The following NEB variants were observed in gnomAD, a reference collection of about 807,000 sequenced individuals.
NEB encodes the protein nebulin, also known as nemaline myopathy type 2.
NEB carries 512 observed loss-of-function variants against 952.2 expected under a neutral mutation model. That is an observed-to-expected ratio of 0.54 (90% CI 0.50 to 0.58). The LOEUF is 0.58. NEB is among the 20% of genes least tolerant of loss of function. NEB has a pLI of 0.00. For synonymous variants in NEB, 2,900 were observed against 3,149.8 expected, an observed-to-expected ratio of 0.92 and a Z score of 2.66; for missense variants, 8,428 against 9,231.1, an observed-to-expected ratio of 0.91 and a Z score of 3.56.
At position 151,612,844 on chromosome 2, in the gene NEB, T is replaced by G. The variant is rs2098043979; in HGVS notation, c.11602-455A>C. On this transcript the variant is annotated intron_variant, in intron 77 of 181. Transcript: ENST00000397345. ...ATCACGTTGCATTAATGTGTTTTTT[T>G]GGGGATAAAAACGACGTCTTTTTCG... is the stretch of plus-strand genomic sequence containing the variant. Among the ~76,000 whole-genome samples, 2 of 152,320 alleles carry G rather than the reference T, an allele frequency of 1.3e-5. 1 individual carries two copies. Among genetic ancestry groups the G allele is most frequent in the East Asian group, 3.9e-4 (2 of 5,182 alleles).
intron 54 of NEB, among the ~76,000 whole-genome samples, chr2:151,646,537 TG>T (rs2098960859): frequency 6.6e-6 from 1 of 152,256 alleles, no homozygotes; most frequent in Non-Finnish European, 1.5e-5. Flanking sequence ...CTCCATCTTC[TG>T]GGTTGTGTCC....
rs746929871 is a variant in NEB at position 151,502,872 on chromosome 2, T to A, written c.23849A>T (p.Glu7950Val). 1.3e-6 allele frequency: 2 copies of A among 1,599,232 alleles called. No individual in the cohort carries two copies. Among genetic ancestry groups the A allele is most frequent in the Admixed American group, 1.7e-5 (1 of 59,006 alleles). ...TGTTGGGATTCCTTTCCCCAAATTTTCTTTGTACAAAACCTGTGAGATACA... is the reference window on the plus strand; with the variant it reads ...TGTTGGGATTCCTTTCCCCAAATTTACTTTGTACAAAACCTGTGAGATACA... ...QENFSSVLYK[E>V]NLGKGIPTPI... Residue 7950 changes from glutamate to valine, a missense_variant, in exon 167 of 182, where the codon GAA becomes GTA. Transcript: ENST00000397345.
At chr2:151,676,414 T>C (rs1445204538) in intron 34 of NEB, among the ~76,000 whole-genome samples, 3 of 152,166 alleles carry the variant, frequency 2.0e-5, no homozygotes, top group Non-Finnish European at 4.4e-5. Flanking sequence ...CTCTCCTCTT[T>C]CCAAAGTCTC....
rs1172715149 is a variant in NEB, at chr2:151,734,422, T to A, written c.-138A>T. On this transcript the variant is annotated 5_prime_UTR_variant, in exon 1 of 182. Coordinates refer to ENST00000397345, the MANE Select transcript of NEB (RefSeq NM_001164508.2). The stretch of plus-strand genomic sequence containing the variant: ...CCTTCAATCTACCAAATAAATTTCC[T>A]CAGCAGCAAAGCCTCTCCCAACTCT... The A allele has an allele frequency of 6.6e-6, 1 of 152,118 alleles. No homozygotes were observed. The highest frequency in any genetic ancestry group is 1.5e-5 in the Non-Finnish European group (1 of 68,020). The allele number at this position is 152,118 out of a possible 1,614,324, so 9.4% of individuals were successfully genotyped here. A position where few individuals can be genotyped will look rare whatever the true frequency, so the allele number is the denominator to read the frequency against.
chr2:151,721,916 C>T (rs977013944), intron 9 of NEB, among the ~76,000 whole-genome samples: 21 of 152,222 alleles, frequency 1.4e-4, no homozygotes, highest in African/African-American at 4.8e-4. Flanking sequence ...TGGAAGGATA[C>T]GACTGTATCT....
chr2:151,708,422 A>G (rs1016199696), intron 12 of NEB, among the ~76,000 whole-genome samples: 1 of 152,096 alleles, frequency 6.6e-6, no homozygotes, highest in Non-Finnish European at 1.5e-5. Context: ...TCCATTTCAG[A>G]GACATTTGAC....
rs199558203 is a variant in NEB, at chr2:151,512,683, A to G, written c.23346+50T>C. 7.7e-6 allele frequency: 10 copies of G among 1,305,508 alleles called. No homozygotes were observed. In the African/African-American group the frequency reaches 1.2e-4, roughly 15 times the overall value. The allele number at this position is 1,305,508 out of a possible 1,614,324, so 80.9% of individuals were successfully genotyped here. A position where few individuals can be genotyped will look rare whatever the true frequency, so the allele number is the denominator to read the frequency against. On this transcript the variant is annotated intron_variant, in intron 161 of 181. Transcript: ENST00000397345. The stretch of plus-strand genomic sequence containing the variant: ...GGTATTTATTAATGGAAGGACTTCC[A>G]TTCTTTCATGATTGGGGTTTATGAG...
At chr2:151,732,888 T>C (rs1245432460) in intron 3 of NEB, among the ~76,000 whole-genome samples, 1 of 152,186 alleles carries the variant, frequency 6.6e-6, no homozygotes, top group African/African-American at 2.4e-5. Flanking sequence ...CTTGGTTTTT[T>C]GAGAGCTTAA....
At position 151,524,543 on chromosome 2, in the gene NEB, G is replaced by A; in HGVS notation, c.22346C>T (p.Ala7449Val). The change falls in exon 152 of 182, where the codon GCC becomes GTC. Residue 7449 changes from alanine (A) to valine (V), a missense_variant. This residue lies in a region of NEB where 3,374 missense variants were observed against 3,651.5 expected (regional missense o/e 0.92). Transcript: ENST00000397345. Reference protein sequence around the residue: ...TVADRPDIKKATQAAKQASEV... With the variant: ...TVADRPDIKKVTQAAKQASEV... ...ACTGGCCTGTTTGGCTGCCTGTGTGGCCTTCTTGATGTCTGGTCGATCAGC... is the reference window on the plus strand; with the variant it reads ...ACTGGCCTGTTTGGCTGCCTGTGTGACCTTCTTGATGTCTGGTCGATCAGC... 6.2e-7 allele frequency: 1 copy of A among 1,613,748 alleles called. No individual in the cohort carries two copies. Among genetic ancestry groups the A allele is most frequent in the Non-Finnish European group, 8.5e-7 (1 of 1,179,858 alleles).
chr2:151,652,141 G>A (rs959903299), intron 52 of NEB, among the ~76,000 whole-genome samples: 4 of 152,044 alleles, frequency 2.6e-5, no homozygotes, highest in Non-Finnish European at 4.4e-5. Flanking sequence ...AAAATATTTA[G>A]GCAAAAATAA....
intron 57 of NEB, 72 bp from the exon 58 acceptor site, chr2:151,643,425 A>T: frequency 7.6e-7 from 1 of 1,315,730 alleles, no homozygotes; most frequent in Non-Finnish European, 1.0e-6. Flanking sequence ...GTCATAATTA[A>T]ATCATTTGCC....
At chr2:151,636,011 C>G (rs2098755895) in intron 64 of NEB, among the ~76,000 whole-genome samples, 2 of 152,154 alleles carry the variant, frequency 1.3e-5, no homozygotes, top group Admixed American at 1.3e-4. Context: ...TTTGGTTGAC[C>G]AGTTTTCACA....
At position 151,570,535 on chromosome 2, in the gene NEB, T is replaced by TG; in HGVS notation, c.17079dup (p.Ile5694HisfsTer13). ...TCCCTGGAGGCCTTGGCAGCCTGGA[T>TG]GGGGATGGCATCCAGCCGGACATCA... On this transcript the variant is annotated frameshift_variant, in exon 108 of 182. Coordinates refer to ENST00000397345, the MANE Select transcript of NEB (RefSeq NM_001164508.2). LOFTEE classifies it high-confidence loss of function. 2 of 1,611,552 alleles carry TG rather than the reference T, an allele frequency of 1.2e-6. No homozygotes were observed. Among genetic ancestry groups the TG allele is most frequent in the Non-Finnish European group, 1.7e-6 (2 of 1,179,070 alleles).
At chr2:151,675,081 T>A (rs2099348618) in intron 35 of NEB, among the ~76,000 whole-genome samples, 1 of 152,110 alleles carries the variant, frequency 6.6e-6, no homozygotes, top group African/African-American at 2.4e-5. Flanking sequence ...ATCCCCTAAA[T>A]AGAGAAGAAT....
At chr2:151,733,223 C>A (rs1283415250) in intron 2 of NEB, 38 bp from the exon 3 acceptor site, 2 of 1,334,146 alleles carry the variant, frequency 1.5e-6, no homozygotes, top group South Asian at 1.3e-5. Context: ...ATATTAGAGT[C>A]TATTCCCAGC....
chr2:151,535,608 G>T, intron 142 of NEB, 83 bp downstream of exon 142: 1 of 789,976 alleles, frequency 1.3e-6, no homozygotes, highest in Non-Finnish European at 2.0e-6. Flanking sequence ...GTCATTCTGT[G>T]TATTGGGCTT....
At chr2:151,567,129 C>T in intron 114 of NEB, 39 bp downstream of exon 114, 1 of 1,486,658 alleles carries the variant, frequency 6.7e-7, no homozygotes, top group Non-Finnish European at 9.1e-7. Flanking sequence ...CAGAGTGTAC[C>T]ATGCGTTTCT....
intron 78 of NEB, 99 bp downstream of exon 78, chr2:151,612,087 A>T: frequency 7.6e-7 from 1 of 1,313,702 alleles, no homozygotes; most frequent in Non-Finnish European, 1.1e-6. Context: ...CAGGCCTATG[A>T]CACCTCCTTT....
chr2:151,516,535 T>G lies in NEB; in HGVS notation c.22829A>C (p.Glu7610Ala). The G allele has an allele frequency of 1.2e-6, 2 of 1,612,408 alleles. No homozygotes were observed. Among genetic ancestry groups the G allele is most frequent in the Non-Finnish European group, 1.7e-6 (2 of 1,178,740 alleles). ...IVKYKEKYEK[E>A]RGKPMLDFET... ...AAAGTCCAGCATGGGTTTTCCTCGTTCCTTTTCATACTTTTCTTTGTATTT... is the reference window on the plus strand; with the variant it reads ...AAAGTCCAGCATGGGTTTTCCTCGTGCCTTTTCATACTTTTCTTTGTATTT... The change falls in exon 157 of 182, where the codon GAA becomes GCA. Residue 7610 changes from glutamate (E) to alanine (A), a missense_variant. Glu to Ala is a moderately radical substitution (Grantham distance 107). This residue lies in a region of NEB where 3,374 missense variants were observed against 3,651.5 expected (regional missense o/e 0.92). Coordinates refer to ENST00000397345, the MANE Select transcript of NEB (RefSeq NM_001164508.2).
Sources: gnomAD v4.1 joint callset for allele counts (sites outside exome capture counted in the v4.1 genomes callset) on GRCh38, gnomAD v4.1.1 for gene constraint, gnomAD v4.1.1 regional missense constraint, MANE v1.5 for transcripts, NCBI Gene and HGNC (gene_info 2026-07-23, HGNC 2026-07-21) for gene names.